The following FBXO9 variants were observed in gnomAD, a reference collection of about 807,000 sequenced individuals.
The protein encoded by FBXO9 is F-box only protein 9.
FBXO9 carries 43 observed loss-of-function variants against 63.7 expected under a neutral mutation model. The ratio of observed to expected loss-of-function variants is 0.67; its 90% CI spans 0.53 to 0.87. The LOEUF is 0.87. Among genes scored for constraint, FBXO9 ranks in the 40% least tolerant of loss-of-function variants. The pLI is 0.00. For missense variants in FBXO9, 442 were observed against 533.2 expected, an observed-to-expected ratio of 0.83 and a Z score of 1.68; for synonymous variants, 156 against 171.7, an observed-to-expected ratio of 0.91 and a Z score of 0.72.
intron 1 of FBXO9, among the ~76,000 whole-genome samples, chr6:53,066,871 T>C (rs1768720854): frequency 6.6e-6 from 1 of 152,226 alleles, no homozygotes; most frequent in South Asian, 2.1e-4. Context: ...TTATTTCAAG[T>C]AGTAGTTGAA....
Position 53,095,580 on chromosome 6 carries a change from A to G in FBXO9, c.1121A>G (p.His374Arg), listed in dbSNP as rs572030835. Residue 374 changes from histidine to arginine, a missense_variant, in exon 12 of 13, where the codon CAT becomes CGT. His to Arg is a conservative substitution (Grantham distance 29). Transcript: ENST00000323557. ...GTACAAGAAGCAGATCAGAGTTTTCATGTGGGGCTACAGCTATGTTCCAGT... is the reference window on the plus strand; with the variant it reads ...GTACAAGAAGCAGATCAGAGTTTTCGTGTGGGGCTACAGCTATGTTCCAGT... Reference protein sequence around the residue: ...VPVQEADQSFHVGLQLCSSGH... With the variant: ...VPVQEADQSFRVGLQLCSSGH... The G allele has an allele frequency of 6.2e-7, 1 of 1,613,834 alleles. No individual in the cohort carries two copies. The highest frequency in any genetic ancestry group is 2.2e-5 in the East Asian group (1 of 44,852).
In FBXO9 at chr6:53,080,566, A is replaced by G. The variant is rs116250762; in HGVS notation, c.408-402A>G. ...GCAAATCTGTTAGAAAACCCTTGGT[A>G]AGTAAGTACCTCAGATGACGTCTGT... On this transcript the variant is annotated intron_variant, in intron 5 of 12. Coordinates refer to ENST00000323557, the MANE Select transcript of FBXO9 (RefSeq NM_033480.3). Among the ~76,000 whole-genome samples, 1,471 of 152,278 alleles carry G rather than the reference A, an allele frequency of 9.7e-3. 7 individuals are homozygous for G. Among genetic ancestry groups the G allele is most frequent in the Non-Finnish European group, 0.014 (957 of 68,006 alleles).
At chr6:53,086,418 C>A (rs1762887669) in intron 7 of FBXO9, among the ~76,000 whole-genome samples, 1 of 152,030 alleles carries the variant, frequency 6.6e-6, no homozygotes, top group Admixed American at 6.5e-5. Context: ...AAAGCACAGG[C>A]GTTATATTGA....
In FBXO9 at chr6:53,095,581, T is replaced by A. The variant is rs1253827393; in HGVS notation, c.1122T>A (p.His374Gln). The change falls in exon 12 of 13, where the codon CAT becomes CAA. Residue 374 changes from histidine (H) to glutamine (Q), a missense_variant. Around this residue, in one of 2 missense-constraint regions of FBXO9, gnomAD observed 262 missense variants for 362.1 expected, o/e 0.72. Transcript: ENST00000323557. ...VPVQEADQSF[H>Q]VGLQLCSSGH... Reference sequence around the variant, plus strand: ...TACAAGAAGCAGATCAGAGTTTTCATGTGGGGCTACAGCTATGTTCCAGTG... The same window carrying A: ...TACAAGAAGCAGATCAGAGTTTTCAAGTGGGGCTACAGCTATGTTCCAGTG... 1.2e-6 allele frequency: 2 copies of A among 1,613,856 alleles called. No homozygotes were observed. Among genetic ancestry groups the A allele is most frequent in the South Asian group, 2.2e-5 (2 of 91,054 alleles).
At chr6:53,093,746 GA>G in intron 10 of FBXO9, 138 bp from the exon 11 acceptor site, 1 of 857,986 alleles carries the variant, frequency 1.2e-6, no homozygotes, top group Non-Finnish European at 1.8e-6. Flanking sequence ...CAGGTCTTTG[GA>G]GCCTTGGAAT....
At position 53,095,569 on chromosome 6, in the gene FBXO9, T is replaced by A. The variant is rs562209304; in HGVS notation, c.1110T>A (p.Asp370Glu). The A allele has an allele frequency of 3.5e-4, 572 of 1,613,802 alleles. 2 individuals carry two copies. In the South Asian group the frequency reaches 5.8e-3, roughly 16 times the overall value. ...GTCGTGTCCCTGTACAAGAAGCAGA[T>A]CAGAGTTTTCATGTGGGGCTACAGC... ...YFRRVPVQEA[D>E]QSFHVGLQLC... Residue 370 changes from aspartate to glutamate, a missense_variant, in exon 12 of 13, where the codon GAT becomes GAA. By Grantham distance (45) the Asp-to-Glu change is conservative (BLOSUM62 2). Transcript: ENST00000323557.
chr6:53,084,545 A>C (rs749432809), intron 7 of FBXO9, among the ~76,000 whole-genome samples: 1 of 152,238 alleles, frequency 6.6e-6, no homozygotes. Context: ...TCACAAAAAC[A>C]TCAGATTCTC....
At chr6:53,075,737 A>ATTTTTTTTTTTT (rs1203980167) in intron 3 of FBXO9, among the ~76,000 whole-genome samples, 3 of 102,932 alleles carry the variant, frequency 2.9e-5, no homozygotes, top group African/African-American at 7.6e-5. Flanking sequence ...ATATATAATT[A>ATTTTTTTTTTTT]TTTTTTTTTT....
intron 8 of FBXO9, 24 bp from the exon 9 acceptor site, chr6:53,092,710 A>G (rs1763077937): frequency 6.5e-7 from 1 of 1,543,670 alleles, no homozygotes; most frequent in Non-Finnish European, 8.9e-7. Context: ...TATAATTTTT[A>G]ACTTTTTAAA....
At chr6:53,078,663 A>G (rs1769202063) in intron 4 of FBXO9, 136 bp from the exon 5 acceptor site, 1 of 620,616 alleles carries the variant, frequency 1.6e-6, no homozygotes, top group Non-Finnish European at 2.9e-6. Context: ...GTGTCACTGA[A>G]CTGCTGTTGC....
At chr6:53,067,463 T>G (rs1176847718) in intron 1 of FBXO9, among the ~76,000 whole-genome samples, 1 of 152,130 alleles carries the variant, frequency 6.6e-6, no homozygotes, top group Non-Finnish European at 1.5e-5. Context: ...CTGACTAAGA[T>G]GAACCCTGAG....
intron 1 of FBXO9, chr6:53,066,119 G>A: frequency 1.7e-5 from 19 of 1,144,762 alleles, no homozygotes; most frequent in Non-Finnish European, 2.0e-5. Flanking sequence ...CCTCTCAAGG[G>A]ATTTTATCAG....
At chr6:53,078,673 C>A in intron 4 of FBXO9, 126 bp from the exon 5 acceptor site, 1 of 650,772 alleles carries the variant, frequency 1.5e-6, no homozygotes. Context: ...ACTGCTGTTG[C>A]ATGTAGAAAA....
chr6:53,082,242 G>T (rs1562069016), intron 6 of FBXO9, among the ~76,000 whole-genome samples: 1 of 152,224 alleles, frequency 6.6e-6, no homozygotes, highest in South Asian at 2.1e-4. Context: ...ATTTTAATAT[G>T]TCTGGCAAAA....
At chr6:53,077,875 A>G (rs1769174794) in intron 4 of FBXO9, among the ~76,000 whole-genome samples, 1 of 152,194 alleles carries the variant, frequency 6.6e-6, no homozygotes, top group Non-Finnish European at 1.5e-5. Context: ...ATATTGAATC[A>G]TAAACTCCTT....
chr6:53,088,568 G>T (rs1270346930), intron 7 of FBXO9, among the ~76,000 whole-genome samples: 1 of 151,810 alleles, frequency 6.6e-6, no homozygotes, highest in Non-Finnish European at 1.5e-5. Context: ...CTGTGTTTTA[G>T]GTGGTGGTGA....
intron 11 of FBXO9, 100 bp from the exon 12 acceptor site, chr6:53,095,413 A>G: frequency 8.7e-7 from 1 of 1,153,566 alleles, no homozygotes; most frequent in South Asian, 1.9e-5. Context: ...TACTGCATGC[A>G]AATATTATGT....
At chr6:53,080,155 CT>C (rs544667929) in intron 5 of FBXO9, among the ~76,000 whole-genome samples, 16 of 148,196 alleles carry the variant, frequency 1.1e-4, no homozygotes, top group East Asian at 5.9e-4. Flanking sequence ...AAGGATTCAT[CT>C]TTTTTTTTTA....
rs972187991 is a variant in FBXO9 at position 53,097,958 on chromosome 6, A to G, written c.*128A>G. 64 of 152,262 alleles carry G rather than the reference A, an allele frequency of 4.2e-4. 14 individuals carry two copies. Among genetic ancestry groups the G allele is most frequent in the South Asian group, 6.7e-4 (3 of 4,484 alleles). 9.4% of individuals were successfully genotyped at this position (152,262 alleles called of 1,614,324 possible). A position where few individuals can be genotyped will look rare whatever the true frequency, so the allele number is the denominator to read the frequency against. On this transcript the variant is annotated 3_prime_UTR_variant, in exon 13 of 13. Transcript: ENST00000323557. ...TATATATATATATATATATATATAT[A>G]TATATATATATATATATGGAATTGG...
Sources: allele counts gnomAD v4.1 joint callset (sites outside exome capture counted in the v4.1 genomes callset), GRCh38; gene constraint gnomAD v4.1.1; regional missense constraint gnomAD v4.1.1; transcripts MANE v1.5; gene names NCBI Gene and HGNC (gene_info 2026-07-23, HGNC 2026-07-21).